Variants in TATDN2 observed in about 807,000 individuals in gnomAD.
TATDN2 encodes the protein TatD DNase domain containing 2.
A neutral mutation model predicts 60.3 loss-of-function variants in TATDN2; 44 were observed. The observed-to-expected ratio is 0.73, with a 90% CI of 0.57 to 0.94. The LOEUF is 0.94. TATDN2 is among the 40% of genes least tolerant of loss of function. The pLI is 0.00. For missense variants in TATDN2, 997 were observed against 948.0 expected (o/e 1.05, Z -0.68); for synonymous variants, 399 against 355.8 (o/e 1.12, Z -1.37).
At chr3:10,268,685 A>C (rs1329026419) in intron 3 of TATDN2, among the ~76,000 whole-genome samples, 1 of 152,210 alleles carries the variant, frequency 6.6e-6, no homozygotes, top group African/African-American at 2.4e-5. Context: ...ATCTGTTTTT[A>C]AAATGCTACC....
chr3:10,258,760 G>A lies in TATDN2; in HGVS notation c.415-1377G>A, dbSNP rs995793121. On this transcript the variant is annotated intron_variant, in intron 2 of 7. Transcript: ENST00000448281. Reference sequence around the variant, plus strand: ...GCTGGGATTACAGGTGTGAGGCACTGCTCCCAGCCGAGCCTAAGTCTCTTT... The same window carrying A: ...GCTGGGATTACAGGTGTGAGGCACTACTCCCAGCCGAGCCTAAGTCTCTTT... 5.3e-5 allele frequency among the ~76,000 whole-genome samples: 8 copies of A among 152,034 alleles called. 1 individual carries two copies. The East Asian group carries it at 1.6e-3, about 30-fold the overall frequency.
Position 10,270,433 on chromosome 3 carries a change from T to C in TATDN2, c.1251T>C (p.Ser417=), listed in dbSNP as rs751282181. The part of the protein sequence containing the change: ...QVGKSSRSRM[S]DYSPNSTGSV... ...GGAAGAGCAGCCGGAGCCGCATGAG[T>C]GATTATTCCCCCAACTCTACAGGGA... Residue 417 remains serine (S), a synonymous_variant, in exon 4 of 8, where the codon AGT becomes AGC. Coordinates refer to ENST00000448281, the MANE Select transcript of TATDN2 (RefSeq NM_014760.4). 1 of 1,613,986 alleles carries C rather than the reference T, an allele frequency of 6.2e-7. No homozygotes were observed. Among genetic ancestry groups the C allele is most frequent in the Non-Finnish European group, 8.5e-7 (1 of 1,179,998 alleles).
intron 2 of TATDN2, among the ~76,000 whole-genome samples, chr3:10,255,783 A>G (rs1698299015): frequency 6.6e-6 from 1 of 152,154 alleles, no homozygotes; most frequent in Non-Finnish European, 1.5e-5. Flanking sequence ...CTCTACCAAA[A>G]ATACGAAATG....
At chr3:10,269,387 G>A (rs1314001318) in intron 3 of TATDN2, among the ~76,000 whole-genome samples, 2 of 152,206 alleles carry the variant, frequency 1.3e-5, no homozygotes, top group African/African-American at 4.8e-5. Context: ...TGGGGAGAAG[G>A]GTTAAATAAT....
At chr3:10,271,156 A>G in intron 4 of TATDN2, 141 bp downstream of exon 4, 2 of 1,007,430 alleles carry the variant, frequency 2.0e-6, no homozygotes, top group Non-Finnish European at 2.7e-6. Flanking sequence ...CATCCAGACC[A>G]TCTAGATGCC....
chr3:10,252,987 G>C (rs1698254226), intron 2 of TATDN2, among the ~76,000 whole-genome samples: 1 of 151,652 alleles, frequency 6.6e-6, no homozygotes, highest in Admixed American at 6.6e-5. Context: ...CTCCCCAGCA[G>C]CTGGGACTAC....
chr3:10,262,146 G>A (rs1377644729), intron 3 of TATDN2, among the ~76,000 whole-genome samples: 2 of 152,114 alleles, frequency 1.3e-5, no homozygotes, highest in East Asian at 1.9e-4. Context: ...TAAGGAATCT[G>A]TTTCTTTTTT....
chr3:10,278,422 T>G lies in TATDN2; in HGVS notation c.2105T>G (p.Ile702Ser). ...TTGAGGCAGATCCCACTGGAGAGAATCATCGTGGAAACGGATGCTCCCTAT... is the reference window on the plus strand; with the variant it reads ...TTGAGGCAGATCCCACTGGAGAGAAGCATCGTGGAAACGGATGCTCCCTAT... ...EALRQIPLERIIVETDAPYFL... is the reference protein window; with the variant it reads ...EALRQIPLERSIVETDAPYFL... The change falls in exon 6 of 8, where the codon ATC becomes AGC. Residue 702 changes from isoleucine (I) to serine (S), a missense_variant. Coordinates refer to ENST00000448281, the MANE Select transcript of TATDN2 (RefSeq NM_014760.4). The surrounding 1 kb of genome is among the most constrained non-coding windows in gnomAD (Gnocchi z 4.7). The G allele has an allele frequency of 1.2e-6, 2 of 1,613,876 alleles. No homozygotes were observed. Among genetic ancestry groups the G allele is most frequent in the Non-Finnish European group, 1.7e-6 (2 of 1,179,828 alleles).
Position 10,249,573 on chromosome 3 carries a change from G to C in TATDN2, c.373G>C (p.Glu125Gln). The change falls in exon 2 of 8, where the codon GAA (glutamate) becomes CAA (glutamine). Residue 125 changes from glutamate to glutamine, a missense_variant. Physicochemically the swap from Glu to Gln is conservative, Grantham distance 29. Coordinates refer to ENST00000448281, the MANE Select transcript of TATDN2 (RefSeq NM_014760.4). ...SPLRPANASL[E>Q]EMASLEEEAC... ...TCTGCGTCCTGCCAACGCCTCTTTGGAAGAAATGGCTTCTCTAGAGGAGGA... is the reference window on the plus strand; with the variant it reads ...TCTGCGTCCTGCCAACGCCTCTTTGCAAGAAATGGCTTCTCTAGAGGAGGA... The C allele has an allele frequency of 6.5e-7, 1 of 1,544,644 alleles. No individual in the cohort carries two copies. The highest frequency in any genetic ancestry group is 1.2e-5 in the South Asian group (1 of 80,260).
At chr3:10,265,369 G>T (rs1214835652) in intron 3 of TATDN2, among the ~76,000 whole-genome samples, 2 of 120,718 alleles carry the variant, frequency 1.7e-5, no homozygotes, top group African/African-American at 3.1e-5. Flanking sequence ...GAGCTACCAC[G>T]CCCGGCCAGA....
In TATDN2 at chr3:10,279,584, G is replaced by A. The variant is rs1460560565; in HGVS notation, c.*402G>A. 1.3e-5 allele frequency: 2 copies of A among 152,394 alleles called. No homozygotes were observed. Among genetic ancestry groups the A allele is most frequent in the South Asian group, 2.1e-4 (1 of 4,846 alleles). 9.4% of individuals were successfully genotyped at this position (152,394 alleles called of 1,614,324 possible). A position where few individuals can be genotyped will look rare whatever the true frequency, so the allele number is the denominator to read the frequency against. ...CCCGCCTACTTGTCTAAGCACATGTGGGTGTGTAACTCAGTTCCTGGTTCT... is the reference window on the plus strand; with the variant it reads ...CCCGCCTACTTGTCTAAGCACATGTAGGTGTGTAACTCAGTTCCTGGTTCT... On this transcript the variant is annotated 3_prime_UTR_variant, in exon 8 of 8. Transcript: ENST00000448281.
Position 10,279,217 on chromosome 3 carries a change from C to A in TATDN2, c.*39-4C>A. ...CCTTCTTCTTTTTCTCTTCCACCCT[C>A]CAGGGCGACCAGCAGCCTGACAGAA... On this transcript the variant is annotated splice_polypyrimidine_tract_variant and splice_region_variant and intron_variant, in intron 7 of 7. Coordinates refer to ENST00000448281, the MANE Select transcript of TATDN2 (RefSeq NM_014760.4). 1.4e-6 allele frequency: 1 copy of A among 705,362 alleles called. No individual in the cohort carries two copies. The highest frequency in any genetic ancestry group is 2.3e-6 in the Non-Finnish European group (1 of 444,034). The allele number at this position is 705,362 out of a possible 1,614,324, so 43.7% of individuals were successfully genotyped here.
chr3:10,260,316 G>T lies in TATDN2; in HGVS notation c.594G>T (p.Ser198=). Residue 198 remains serine, a synonymous_variant, in exon 3 of 8, where the codon TCG becomes TCT. Coordinates refer to ENST00000448281, the MANE Select transcript of TATDN2 (RefSeq NM_014760.4). ...LKAIQGILGK[S]MPKRKGEAAT... is the part of the protein sequence containing the mutation. Reference sequence around the variant, plus strand: ...CTATCCAGGGCATCCTGGGGAAATCGATGCCAAAAAGGAAGGGAGAGGCTG... The same window carrying T: ...CTATCCAGGGCATCCTGGGGAAATCTATGCCAAAAAGGAAGGGAGAGGCTG... 6.2e-7 allele frequency: 1 copy of T among 1,614,086 alleles called. No homozygotes were observed. Among genetic ancestry groups the T allele is most frequent in the Non-Finnish European group, 8.5e-7 (1 of 1,180,002 alleles).
chr3:10,261,775 A>G (rs1698408225), intron 3 of TATDN2, among the ~76,000 whole-genome samples: 2 of 152,138 alleles, frequency 1.3e-5, no homozygotes, highest in African/African-American at 4.8e-5. Flanking sequence ...TTTCTAAATA[A>G]TCTTTACTGT....
Position 10,279,223 on chromosome 3 carries a change from C to T in TATDN2, c.*41C>T, listed in dbSNP as rs1698688433. On this transcript the variant is annotated splice_region_variant and 3_prime_UTR_variant, in exon 8 of 8. Transcript: ENST00000448281. ...TCTTTTTCTCTTCCACCCTCCAGGG[C>T]GACCAGCAGCCTGACAGAACACAGG... 18 of 672,680 alleles carry T rather than the reference C, an allele frequency of 2.7e-5. No individual in the cohort carries two copies. Among genetic ancestry groups the T allele is most frequent in the Non-Finnish European group, 3.6e-5 (15 of 416,414 alleles). The allele number at this position is 672,680 out of a possible 1,614,324, so 41.7% of individuals were successfully genotyped here.
At chr3:10,270,064 T>A in intron 3 of TATDN2, 67 bp from the exon 4 acceptor site, 1 of 1,542,816 alleles carries the variant, frequency 6.5e-7, no homozygotes, top group Non-Finnish European at 8.7e-7. Context: ...GTTCAGCTGA[T>A]GACAGCCTGG....
chr3:10,278,312 G>A lies in TATDN2; in HGVS notation c.1995G>A (p.Glu665=). 6.2e-7 allele frequency: 1 copy of A among 1,614,118 alleles called. No individual in the cohort carries two copies. Among genetic ancestry groups the A allele is most frequent in the Non-Finnish European group, 8.5e-7 (1 of 1,180,000 alleles). Residue 665 remains glutamate, a synonymous_variant, in exon 6 of 8, where the codon GAG becomes GAA. Coordinates refer to ENST00000448281, the MANE Select transcript of TATDN2 (RefSeq NM_014760.4). This position sits in a 1 kb window ranked among gnomAD's most constrained non-coding sequence, Gnocchi z 4.7. ...TCACCGGCAGCTACCCGGTCATTGA[G>A]CCCCTGCTGAAGTACTTTCCCAACA... ...HCFTGSYPVI[E]PLLKYFPNMS...
At chr3:10,253,712 A>G (rs1028483342) in intron 2 of TATDN2, among the ~76,000 whole-genome samples, 7 of 152,226 alleles carry the variant, frequency 4.6e-5, no homozygotes, top group Non-Finnish European at 7.3e-5. Context: ...CATAATCCCA[A>G]AAGTGTCGTG....
At chr3:10,250,511 A>G (rs1216864402) in intron 2 of TATDN2, among the ~76,000 whole-genome samples, 1 of 152,086 alleles carries the variant, frequency 6.6e-6, no homozygotes, top group African/African-American at 2.4e-5. Flanking sequence ...GGCTGCCTCT[A>G]GAGAAAATTA....
Sources: gnomAD v4.1 joint callset for allele counts (sites outside exome capture counted in the v4.1 genomes callset) on GRCh38, gnomAD v4.1.1 for gene constraint, Gnocchi (gnomAD v3.1) non-coding constraint, MANE v1.5 for transcripts, NCBI Gene and HGNC (gene_info 2026-07-23, HGNC 2026-07-21) for gene names.